Variants in L3MBTL4 observed in about 807,000 individuals in gnomAD.
L3MBTL4 encodes the protein lethal(3)malignant brain tumor-like protein 4.
Under a neutral mutation model 84.5 loss-of-function variants are expected in L3MBTL4, and 70 were observed. The ratio of observed to expected loss-of-function variants is 0.83; its 90% confidence interval spans 0.68 to 1.01. L3MBTL4 has a LOEUF of 1.01. Among genes scored for constraint, L3MBTL4 ranks in the 50% least tolerant of loss-of-function variants. L3MBTL4 has a pLI of 0.00. For missense variants in L3MBTL4, 715 were observed against 754.8 expected, an observed-to-expected ratio of 0.95 and a Z score of 0.62; for synonymous variants, 274 against 259.8, an observed-to-expected ratio of 1.05 and a Z score of -0.52.
At chr18:5,984,573 T>G (rs995287530) in intron 16 of L3MBTL4, among the ~76,000 whole-genome samples, 13 of 152,204 alleles carry the variant, frequency 8.5e-5, no homozygotes, top group African/African-American at 1.4e-4. Context: ...AATATTTTTT[T>G]GGGGGGGAAG....
intron 4 of L3MBTL4, among the ~76,000 whole-genome samples, chr18:6,289,878 C>A (rs926558651): frequency 6.6e-6 from 1 of 152,110 alleles, no homozygotes; most frequent in African/African-American, 2.4e-5. Context: ...GATCAAGTAA[C>A]CTTTCATCAG....
intron 16 of L3MBTL4, among the ~76,000 whole-genome samples, chr18:5,974,560 C>T (rs1398049332): frequency 6.6e-6 from 1 of 152,228 alleles, no homozygotes; most frequent in Non-Finnish European, 1.5e-5. Flanking sequence ...GACAGCCAGA[C>T]CTGCCAGTTG....
At chr18:6,276,828 A>G (rs1451438833) in intron 4 of L3MBTL4, among the ~76,000 whole-genome samples, 1 of 152,064 alleles carries the variant, frequency 6.6e-6, no homozygotes, top group Non-Finnish European at 1.5e-5. Context: ...CGGCTCTATA[A>G]ATTTCCGATG....
intron 12 of L3MBTL4, among the ~76,000 whole-genome samples, chr18:6,208,124 T>C (rs952538288): frequency 1.4e-5 from 2 of 138,608 alleles, no homozygotes; most frequent in Non-Finnish European, 3.0e-5. Context: ...AAAAAATAAA[T>C]AAATAAATAA....
intron 14 of L3MBTL4, among the ~76,000 whole-genome samples, chr18:6,101,721 A>G (rs2058836512): frequency 6.6e-6 from 1 of 152,238 alleles, no homozygotes; most frequent in Non-Finnish European, 1.5e-5. Flanking sequence ...TTCATGGCAT[A>G]TGTGCATTCA....
intron 13 of L3MBTL4, among the ~76,000 whole-genome samples, chr18:6,144,196 CAAAAA>C (rs35746580): frequency 6.9e-5 from 4 of 58,060 alleles, no homozygotes; most frequent in African/African-American, 1.8e-4. Flanking sequence ...ACTCCATCTC[CAAAAA>C]AAAAAAAAAA....
chr18:6,272,863 A>C lies in L3MBTL4; in HGVS notation c.128-8825T>G, dbSNP rs2048942706. 2.5e-5 allele frequency among the ~76,000 whole-genome samples: 3 copies of C among 121,918 alleles called. 1 individual carries two copies. In the South Asian group the frequency reaches 8.6e-4, roughly 35 times the overall value. The allele number at this position is 121,918 out of a possible 152,430, so 80.0% of individuals were successfully genotyped here. A position where few individuals can be genotyped will look rare whatever the true frequency, so the allele number is the denominator to read the frequency against. The stretch of plus-strand genomic sequence containing the variant: ...GAGTGGTGCCTTCAGGAGCATGGGG[A>C]AAGGGGGAGTTGTGCAGATTCAACT... On this transcript the variant is annotated intron_variant, in intron 4 of 18. Transcript: ENST00000317931.
chr18:5,973,741 T>C (rs1433786050), intron 16 of L3MBTL4, among the ~76,000 whole-genome samples: 2 of 152,150 alleles, frequency 1.3e-5, no homozygotes, highest in African/African-American at 2.4e-5. Context: ...TTTGCCACAA[T>C]GACAGGGCAG....
intron 14 of L3MBTL4, among the ~76,000 whole-genome samples, chr18:6,120,425 G>A (rs1335289755): frequency 6.6e-6 from 1 of 152,172 alleles, no homozygotes; most frequent in Non-Finnish European, 1.5e-5. Flanking sequence ...CCAGCTTGTG[G>A]AGAAACTTGT....
intron 16 of L3MBTL4, among the ~76,000 whole-genome samples, chr18:6,020,227 T>C (rs1460198710): frequency 6.6e-6 from 1 of 152,052 alleles, no homozygotes; most frequent in Admixed American, 6.6e-5. Flanking sequence ...CTAGGAATGA[T>C]TCAGACTAAA....
Position 6,239,772 on chromosome 18 carries a change from A to G in L3MBTL4, c.653T>C (p.Val218Ala), listed in dbSNP as rs2047376161. 1.2e-6 allele frequency: 2 copies of G among 1,614,070 alleles called. No homozygotes were observed. The highest frequency in any genetic ancestry group is 1.7e-6 in the Non-Finnish European group (2 of 1,180,030). The change falls in exon 9 of 19, where the codon GTT (valine) becomes GCT (alanine). Residue 218 changes from valine to alanine, a missense_variant. By Grantham distance (64) the Val-to-Ala change is moderately conservative. Transcript: ENST00000317931. Reference protein sequence around the residue: ...LVCVATIADIVEDRLLVHFDN... With the variant: ...LVCVATIADIAEDRLLVHFDN... ...AAAATGCACTAGTAAGCGATCTTCA[A>G]CAATATCTGCTATGGTCGCCACACA...
intron 14 of L3MBTL4, among the ~76,000 whole-genome samples, chr18:6,096,064 C>A (rs2058634331): frequency 6.6e-6 from 1 of 152,092 alleles, no homozygotes; most frequent in Admixed American, 6.5e-5. Context: ...ATCATTATAA[C>A]CATGAATTTT....
chr18:6,285,122 T>C (rs2049510511), intron 4 of L3MBTL4, among the ~76,000 whole-genome samples: 1 of 152,212 alleles, frequency 6.6e-6, no homozygotes, highest in Non-Finnish European at 1.5e-5. Context: ...CGAGGAGGCG[T>C]CCGCAGAGGG....
chr18:6,355,659 T>C (rs1026147259), intron 1 of L3MBTL4, among the ~76,000 whole-genome samples: 1 of 152,154 alleles, frequency 6.6e-6, no homozygotes, highest in African/African-American at 2.4e-5. Flanking sequence ...TAAATACATA[T>C]GGCTAGCTTC....
chr18:6,102,815 T>C (rs1247482850), intron 14 of L3MBTL4, among the ~76,000 whole-genome samples: 2 of 152,208 alleles, frequency 1.3e-5, no homozygotes, highest in African/African-American at 2.4e-5. Context: ...GATATTTAAT[T>C]GGTATGCATT....
At chr18:6,002,990 G>T (rs1475335370) in intron 16 of L3MBTL4, among the ~76,000 whole-genome samples, 1 of 149,838 alleles carries the variant, frequency 6.7e-6, no homozygotes, top group Non-Finnish European at 1.5e-5. Flanking sequence ...AGTTTGAAAG[G>T]GAAAAGATGT....
At chr18:6,128,630 C>A (rs557546945) in intron 14 of L3MBTL4, among the ~76,000 whole-genome samples, 2 of 152,248 alleles carry the variant, frequency 1.3e-5, no homozygotes, top group South Asian at 4.2e-4. Context: ...GGACTTCCAA[C>A]TGGAATTGTA....
chr18:6,362,054 A>T (rs1182997401), intron 1 of L3MBTL4, among the ~76,000 whole-genome samples: 1 of 149,892 alleles, frequency 6.7e-6, no homozygotes, highest in African/African-American at 2.5e-5. Context: ...GGTTGCAGTG[A>T]GCCATGATCA....
At chr18:6,391,325 G>T (rs1172171926) in intron 1 of L3MBTL4, among the ~76,000 whole-genome samples, 2 of 151,948 alleles carry the variant, frequency 1.3e-5, no homozygotes, top group Non-Finnish European at 2.9e-5. Flanking sequence ...GCATAGAAGA[G>T]ATTTACTTAA....
Sources: allele counts gnomAD v4.1 joint callset (sites outside exome capture counted in the v4.1 genomes callset), GRCh38; gene constraint gnomAD v4.1.1; transcripts MANE v1.5; gene names NCBI Gene and HGNC (gene_info 2026-07-23, HGNC 2026-07-21).